MEGF6: variants seen among roughly 807,000 people sequenced by gnomAD.
The protein encoded by MEGF6 is multiple epidermal growth factor-like domains protein 6.
A neutral mutation model predicts 207.1 loss-of-function variants in MEGF6; 184 were observed. The ratio of observed to expected loss-of-function variants is 0.89; its 90% CI spans 0.79 to 1.00. The LOEUF is 1.00. Among genes scored for constraint, MEGF6 ranks in the 50% least tolerant of loss-of-function variants. MEGF6 has a pLI of 0.00. For missense variants in MEGF6, 2,282 were observed against 2,202.9 expected, an observed-to-expected ratio of 1.04 and a Z score of -0.72; for synonymous variants, 1,038 against 910.0, an observed-to-expected ratio of 1.14 and a Z score of -2.53.
At chr1:3,540,154 G>T (rs1460627397) in intron 4 of MEGF6, among the ~76,000 whole-genome samples, 2 of 152,266 alleles carry the variant, frequency 1.3e-5, no homozygotes, top group African/African-American at 4.8e-5. Context: ...TTGCTGGGCT[G>T]GCTCTCACCG....
At chr1:3,541,926 C>A (rs563997542) in intron 4 of MEGF6, among the ~76,000 whole-genome samples, 43 of 152,234 alleles carry the variant, frequency 2.8e-4, no homozygotes, top group East Asian at 5.8e-4. Context: ...CAGAGCCCAC[C>A]CGCGTCCCAC....
At chr1:3,602,645 C>T (rs572471086) in intron 1 of MEGF6, 45 bp from the exon 2 acceptor site, 8 of 1,567,670 alleles carry the variant, frequency 5.1e-6, no homozygotes, top group East Asian at 2.3e-5. Flanking sequence ...CACCCCCAGC[C>T]GGCAACACCC....
intron 5 of MEGF6, among the ~76,000 whole-genome samples, chr1:3,516,713 CTG>C (rs1641554544): frequency 6.6e-6 from 1 of 152,196 alleles, no homozygotes; most frequent in African/African-American, 2.4e-5. Flanking sequence ...GGTGTTGCCT[CTG>C]GGCCCTGAGA....
Position 3,505,507 on chromosome 1 carries a change from A to C in MEGF6, c.1968T>G (p.Cys656Trp), listed in dbSNP as rs771002310. The C allele has an allele frequency of 6.2e-7, 1 of 1,604,904 alleles. No individual in the cohort carries two copies. Among genetic ancestry groups the C allele is most frequent in the Admixed American group, 1.7e-5 (1 of 59,166 alleles). The change falls in exon 16 of 37, where the codon TGT (cysteine) becomes TGG (tryptophan). Residue 656 changes from cysteine (C) to tryptophan (W), a missense_variant. Cys to Trp is a radical substitution (Grantham distance 215). Coordinates refer to ENST00000356575, the MANE Select transcript of MEGF6 (RefSeq NM_001409.4). ...FGPGCSEECQ[C>W]VQPHTQSCDK... ...CACAGGACTGCGTGTGGGGCTGCAC[A>C]CACTGGCACTCCTCCGAGCAGCCCG...
At chr1:3,550,636 C>A (rs1642854272) in intron 4 of MEGF6, among the ~76,000 whole-genome samples, 1 of 152,096 alleles carries the variant, frequency 6.6e-6, no homozygotes, top group Non-Finnish European at 1.5e-5. Flanking sequence ...CGTGCCCAGG[C>A]CTCCGGGGTG....
intron 3 of MEGF6, 67 bp from the exon 4 acceptor site, chr1:3,579,996 G>C: frequency 8.3e-7 from 1 of 1,211,576 alleles, no homozygotes; most frequent in Non-Finnish European, 1.1e-6. Context: ...GGTGAGGCCT[G>C]AGGGTCTCTC....
intron 3 of MEGF6, among the ~76,000 whole-genome samples, chr1:3,582,176 T>C (rs2821046): frequency 0.86 from 130,944 of 152,240 alleles, 56,614 homozygotes; most frequent in Middle Eastern, 0.92. Context: ...AGACATTAAT[T>C]GTTGCTCTTC....
At chr1:3,603,990 G>A (rs1028064828) in intron 1 of MEGF6, among the ~76,000 whole-genome samples, 5 of 152,202 alleles carry the variant, frequency 3.3e-5, no homozygotes, top group Admixed American at 1.3e-4. Context: ...CCAACATAGC[G>A]ATGGCAAAAA....
Position 3,576,709 on chromosome 1 carries a change from C to T in MEGF6, c.481+3116G>A, listed in dbSNP as rs561284976. Among the ~76,000 whole-genome samples, 11 of 149,234 alleles carry T rather than the reference C, an allele frequency of 7.4e-5. 1 individual carries two copies. The highest frequency in any genetic ancestry group is 2.5e-4 in the African/African-American group (10 of 40,484). ...TCAGCCCTGCACACTCAGTCCTGTACACTCAGTCCTGCACCCTCAGCCCTG... is the reference window on the plus strand; with the variant it reads ...TCAGCCCTGCACACTCAGTCCTGTATACTCAGTCCTGCACCCTCAGCCCTG... On this transcript the variant is annotated intron_variant, in intron 4 of 36. Coordinates refer to ENST00000356575, the MANE Select transcript of MEGF6 (RefSeq NM_001409.4).
At chr1:3,531,194 G>T in intron 4 of MEGF6, 1 of 1,518,534 alleles carries the variant, frequency 6.6e-7, no homozygotes, top group Non-Finnish European at 8.8e-7. Context: ...AGGCCCCCCA[G>T]GAGCCCAAGG....
At chr1:3,577,106 G>A (rs192370866) in intron 4 of MEGF6, among the ~76,000 whole-genome samples, 156 of 152,176 alleles carry the variant, frequency 1.0e-3, no homozygotes, top group Admixed American at 2.4e-3. Context: ...ATTGAGCCCC[G>A]CACCCTCGGC....
intron 5 of MEGF6, among the ~76,000 whole-genome samples, chr1:3,521,472 G>A (rs1319308109): frequency 6.6e-6 from 1 of 152,154 alleles, no homozygotes; most frequent in South Asian, 2.1e-4. Context: ...CCTTGGCCAG[G>A]AGCTGAGATG....
At chr1:3,533,324 C>A (rs1361994881) in intron 4 of MEGF6, among the ~76,000 whole-genome samples, 2 of 152,244 alleles carry the variant, frequency 1.3e-5, no homozygotes, top group Admixed American at 6.5e-5. Context: ...GTCTGCGGGG[C>A]CTCCTGGGGA....
At chr1:3,595,761 C>A (rs986444668) in intron 2 of MEGF6, among the ~76,000 whole-genome samples, 1 of 152,156 alleles carries the variant, frequency 6.6e-6, no homozygotes, top group Non-Finnish European at 1.5e-5. Context: ...TGGCTCCAGG[C>A]TGGCGTTGGG....
intron 3 of MEGF6, among the ~76,000 whole-genome samples, chr1:3,584,244 T>C (rs560023215): frequency 6.6e-6 from 1 of 152,310 alleles, no homozygotes; most frequent in East Asian, 1.9e-4. Flanking sequence ...CAAACGCCTC[T>C]CCCAGTGGCT....
At chr1:3,610,893 T>C (rs1262902586) in intron 1 of MEGF6, among the ~76,000 whole-genome samples, 1 of 129,312 alleles carries the variant, frequency 7.7e-6, no homozygotes, top group African/African-American at 2.9e-5. Context: ...AGGACCCACA[T>C]CACGGAGCAA....
chr1:3,501,603 T>G (rs1232158353), intron 18 of MEGF6, among the ~76,000 whole-genome samples, 193 bp downstream of exon 18: 1 of 152,036 alleles, frequency 6.6e-6, no homozygotes, highest in Non-Finnish European at 1.5e-5. Context: ...GAGGGCAGCC[T>G]GGAAGCCCCA....
In MEGF6 at chr1:3,524,222, T is replaced by C. The variant is rs1280087957; in HGVS notation, c.506A>G (p.Asn169Ser). ...CACGCACCGGTGCTGGCAGCCACCG[T>C]TGTGGGTTCGGCATTCGTCCACATC... ...QYDVDECRTHNGGCQHRCVNT... is the reference protein window; with the variant it reads ...QYDVDECRTHSGGCQHRCVNT... The change falls in exon 5 of 37, where the codon AAC becomes AGC. Residue 169 changes from asparagine (N) to serine (S), a missense_variant. Physicochemically the swap from Asn to Ser is conservative, Grantham distance 46. Transcript: ENST00000356575. 1 of 1,612,536 alleles carries C rather than the reference T, an allele frequency of 6.2e-7. No individual in the cohort carries two copies. The highest frequency in any genetic ancestry group is 1.7e-5 in the Admixed American group (1 of 60,020).
In MEGF6 at chr1:3,597,444, G is replaced by A. The variant is rs80063664; in HGVS notation, c.267-1997C>T. 4.3e-4 allele frequency among the ~76,000 whole-genome samples: 66 copies of A among 152,290 alleles called. 1 individual carries two copies. The East Asian group carries it at 8.9e-3, about 20-fold the overall frequency. ...TGCCCACCCTGACGCCCTGTCTCCCGCTGCTTGTTCTGCAGTGACTAATGT... is the reference window on the plus strand; with the variant it reads ...TGCCCACCCTGACGCCCTGTCTCCCACTGCTTGTTCTGCAGTGACTAATGT... On this transcript the variant is annotated intron_variant, in intron 2 of 36. Transcript: ENST00000356575.
Sources: gnomAD v4.1 joint callset for allele counts (sites outside exome capture counted in the v4.1 genomes callset) on GRCh38, gnomAD v4.1.1 for gene constraint, MANE v1.5 for transcripts, NCBI Gene and HGNC (gene_info 2026-07-23, HGNC 2026-07-21) for gene names.